RNF121: variants seen among roughly 807,000 people sequenced by gnomAD.
RNF121 encodes the protein E3 ubiquitin ligase RNF121.
Under a neutral mutation model 46.5 loss-of-function variants are expected in RNF121, and 21 were observed. The observed-to-expected ratio is 0.45, with a 90% CI of 0.32 to 0.65. The LOEUF (loss-of-function observed/expected upper bound fraction) is 0.65, where lower values mean the gene tolerates loss of function less well. RNF121 is among the 30% of genes least tolerant of loss of function. RNF121 has a pLI of 0.04. For synonymous variants in RNF121, 139 were observed against 144.7 expected (o/e 0.96, Z 0.28); for missense variants, 346 against 416.0 (o/e 0.83, Z 1.46).
intron 1 of RNF121, chr11:71,939,155 T>G (rs1266202136): frequency 1.3e-5 from 2 of 155,350 alleles, no homozygotes; most frequent in African/African-American, 4.8e-5. Flanking sequence ...CTGCCCACCT[T>G]GGACTCCCAA....
At chr11:71,994,111 G>A (rs1224284098) in intron 6 of RNF121, among the ~76,000 whole-genome samples, 3 of 152,052 alleles carry the variant, frequency 2.0e-5, no homozygotes, top group Admixed American at 1.3e-4. Context: ...AAGTGCTGGG[G>A]TTACAGGCGT....
intron 3 of RNF121, among the ~76,000 whole-genome samples, chr11:71,970,516 G>GTAGTGCACA (rs1281575162): frequency 5.9e-5 from 9 of 152,064 alleles, no homozygotes; most frequent in Non-Finnish European, 1.2e-4. Flanking sequence ...TTAAAAATTA[G>GTAGTGCACA]CTGACTGTGG....
Position 71,997,429 on chromosome 11 carries a change from T to A in RNF121, c.*1114T>A, listed in dbSNP as rs986321671. 3.3e-5 allele frequency: 5 copies of A among 152,142 alleles called. No homozygotes were observed. The highest frequency in any genetic ancestry group is 1.2e-4 in the African/African-American group (5 of 41,422). 9.4% of individuals were successfully genotyped at this position (152,142 alleles called of 1,614,324 possible). On this transcript the variant is annotated 3_prime_UTR_variant, in exon 9 of 9. Transcript: ENST00000361756. Reference sequence around the variant, plus strand: ...GGGGCTTCTAGGAAGGCCCCAGCCCTAGTCCTAGGCGACTTGAATAAAGTG... The same window carrying A: ...GGGGCTTCTAGGAAGGCCCCAGCCCAAGTCCTAGGCGACTTGAATAAAGTG...
At chr11:71,929,304 C>T (rs1953202972) in intron 1 of RNF121, among the ~76,000 whole-genome samples, 180 bp downstream of exon 1, 1 of 148,190 alleles carries the variant, frequency 6.7e-6, no homozygotes, top group Non-Finnish European at 1.5e-5. Flanking sequence ...GACTCCGAGG[C>T]GGCCTTGGGA....
chr11:71,936,546 C>T (rs531420259), intron 1 of RNF121, among the ~76,000 whole-genome samples: 17 of 152,212 alleles, frequency 1.1e-4, no homozygotes, highest in Admixed American at 2.6e-4. Context: ...CCTGCCACCA[C>T]GCCTGGCTAC....
intron 5 of RNF121, among the ~76,000 whole-genome samples, chr11:71,989,057 C>A (rs1954819476): frequency 7.3e-6 from 1 of 137,354 alleles, no homozygotes; most frequent in African/African-American, 2.7e-5. Context: ...TTATGGGATT[C>A]TGCATTATGG....
intron 1 of RNF121, among the ~76,000 whole-genome samples, chr11:71,935,846 CTTT>C (rs994241423): frequency 8.7e-6 from 1 of 114,722 alleles, no homozygotes; most frequent in African/African-American, 3.2e-5. Flanking sequence ...TATTCTTTTT[CTTT>C]TTTTTTTTTT....
At chr11:71,980,193 T>C (rs964937100) in intron 3 of RNF121, among the ~76,000 whole-genome samples, 19 of 152,176 alleles carry the variant, frequency 1.2e-4, no homozygotes, top group African/African-American at 4.3e-4. Context: ...GGTTCCTATG[T>C]AGTGAATTGT....
At chr11:71,954,417 C>A (rs183888397) in intron 1 of RNF121, among the ~76,000 whole-genome samples, 3 of 152,268 alleles carry the variant, frequency 2.0e-5, no homozygotes, top group Admixed American at 1.3e-4. Flanking sequence ...TTAGTTCTTG[C>A]CCTTCCGAGC....
intron 1 of RNF121, among the ~76,000 whole-genome samples, chr11:71,946,321 G>A (rs1219802099): frequency 6.6e-6 from 1 of 152,196 alleles, no homozygotes; most frequent in Non-Finnish European, 1.5e-5. Flanking sequence ...TAACATGGGT[G>A]ATGGGTGATC....
Position 71,996,759 on chromosome 11 carries a change from A to G in RNF121, c.*444A>G, listed in dbSNP as rs1954986935. 5.7e-6 allele frequency: 1 copy of G among 174,374 alleles called. No homozygotes were observed. Among genetic ancestry groups the G allele is most frequent in the Non-Finnish European group, 1.3e-5 (1 of 79,644 alleles). 10.8% of individuals were successfully genotyped at this position (174,374 alleles called of 1,614,324 possible). On this transcript the variant is annotated 3_prime_UTR_variant, in exon 9 of 9. Transcript: ENST00000361756. ...GGGGCTCAAGCCTGGTGCACTTAGT[A>G]TAGAAGAGCTAACGTACTCAGGCTT...
chr11:71,991,506 A>C (rs1447075001), intron 6 of RNF121, among the ~76,000 whole-genome samples: 1 of 152,248 alleles, frequency 6.6e-6, no homozygotes, highest in Admixed American at 6.5e-5. Flanking sequence ...TTACAACTTT[A>C]ATAAGCATTA....
At chr11:71,969,138 C>T (rs915169810) in intron 3 of RNF121, among the ~76,000 whole-genome samples, 2 of 151,994 alleles carry the variant, frequency 1.3e-5, no homozygotes, top group Non-Finnish European at 2.9e-5. Context: ...CCACCTGCCT[C>T]GGCCTCCCAA....
chr11:71,993,637 T>C (rs1954910728), intron 6 of RNF121, among the ~76,000 whole-genome samples: 1 of 152,234 alleles, frequency 6.6e-6, no homozygotes, highest in South Asian at 2.1e-4. Context: ...TTTTGGCTAC[T>C]GTGAGTAACG....
rs79544481 is a variant in RNF121 at position 71,955,824 on chromosome 11, A to G, written c.64-1403A>G. 7.2e-5 allele frequency among the ~76,000 whole-genome samples: 11 copies of G among 152,312 alleles called. No homozygotes were observed. The East Asian group carries it at 1.3e-3, about 19-fold the overall frequency. Reference sequence around the variant, plus strand: ...AGGTACCTCCCATGTGTCCCCTCAGAGTATCTGACCTCTATCCTTCTGGGA... The same window carrying G: ...AGGTACCTCCCATGTGTCCCCTCAGGGTATCTGACCTCTATCCTTCTGGGA... On this transcript the variant is annotated intron_variant, in intron 1 of 8. Transcript: ENST00000361756.
intron 1 of RNF121, among the ~76,000 whole-genome samples, chr11:71,936,309 C>T (rs1953408610): frequency 6.6e-6 from 1 of 152,158 alleles, no homozygotes; most frequent in East Asian, 1.9e-4. Context: ...ACCTCATGCT[C>T]TGGCAGATAC....
chr11:71,987,241 G>T, intron 5 of RNF121, 130 bp downstream of exon 5: 5 of 637,964 alleles, frequency 7.8e-6, no homozygotes, highest in South Asian at 3.6e-5. Flanking sequence ...TGGGTGCTGT[G>T]GGGGGATGGG....
At chr11:71,962,987 C>T (rs1298839838) in intron 3 of RNF121, among the ~76,000 whole-genome samples, 2 of 152,070 alleles carry the variant, frequency 1.3e-5, no homozygotes, top group African/African-American at 2.4e-5. Context: ...TTTTCCTGTG[C>T]TTATGGGTCA....
At chr11:71,942,785 T>TATAGATAG (rs1554985365) in intron 1 of RNF121, among the ~76,000 whole-genome samples, 1 of 9,354 alleles carries the variant, frequency 1.1e-4, no homozygotes, top group East Asian at 8.5e-4. Flanking sequence ...TATATATATA[T>TATAGATAG]ATATAGATAT....
Sources: gnomAD v4.1 joint callset for allele counts (sites outside exome capture counted in the v4.1 genomes callset) on GRCh38, gnomAD v4.1.1 for gene constraint, MANE v1.5 for transcripts, NCBI Gene and HGNC (gene_info 2026-07-23, HGNC 2026-07-21) for gene names.